The following NLGN4X variants were observed in gnomAD, a reference collection of about 807,000 sequenced individuals.
The protein encoded by NLGN4X is neuroligin-4, X-linked.
Under a neutral mutation model 40.3 loss-of-function variants are expected in NLGN4X, and 3 were observed. The observed-to-expected ratio is 0.07, with a 90% CI of 0.03 to 0.19. The LOEUF (loss-of-function observed/expected upper bound fraction) is 0.19, where lower values mean the gene tolerates loss of function less well. Among genes scored for constraint, NLGN4X ranks in the 10% least tolerant of loss-of-function variants. The probability of loss-of-function intolerance (pLI) is 1.00; values close to 1 mark genes in which losing one functional copy is unlikely to be tolerated. For synonymous variants in NLGN4X, 270 were observed against 306.8 expected (o/e 0.88, Z 1.25); for missense variants, 382 against 708.3 (o/e 0.54, Z 5.23).
At chrX:5,903,897 G>A in intron 4 of NLGN4X, 31 bp from the exon 5 acceptor site, 1 of 1,206,464 alleles carries the variant, frequency 8.3e-7, no homozygotes, top group Non-Finnish European at 1.1e-6. Flanking sequence ...ACATGCAAAT[G>A]AAAACCCACA....
At chrX:6,074,626 T>C (rs141616696) in intron 2 of NLGN4X, among the ~76,000 whole-genome samples, 122 of 111,793 alleles carry the variant, frequency 1.1e-3, no homozygotes, top group African/African-American at 3.7e-3. Context: ...GCCATTGTCG[T>C]AGCAATGGCA....
At chrX:6,204,901 G>C (rs1281097388) in intron 1 of NLGN4X, among the ~76,000 whole-genome samples, 2 of 111,643 alleles carry the variant, frequency 1.8e-5, no homozygotes, top group Non-Finnish European at 3.8e-5. Context: ...CAACAAAATG[G>C]ATGGGAATTA....
intron 2 of NLGN4X, among the ~76,000 whole-genome samples, chrX:6,048,076 A>G (rs2037374051): frequency 9.0e-6 from 1 of 111,314 alleles, no homozygotes; most frequent in South Asian, 3.8e-4. Flanking sequence ...ACCAGCTGCC[A>G]TTGCTCTCAA....
chrX:5,977,961 T>A (rs1228193865), intron 3 of NLGN4X, among the ~76,000 whole-genome samples: 1 of 112,056 alleles, frequency 8.9e-6, no homozygotes, highest in Non-Finnish European at 1.9e-5. Context: ...GAAAGAACCC[T>A]CTCTTTGAAG....
chrX:5,991,476 C>G (rs1269444142), intron 3 of NLGN4X: 3 of 518,745 alleles, frequency 5.8e-6, no homozygotes, highest in Non-Finnish European at 1.1e-5. Flanking sequence ...CCTGCAGGTG[C>G]AGCTGACAAC....
At chrX:6,090,109 C>T (rs1055673454) in intron 2 of NLGN4X, among the ~76,000 whole-genome samples, 1 of 111,311 alleles carries the variant, frequency 9.0e-6, no homozygotes, top group African/African-American at 3.3e-5. Context: ...ACACCTCCTG[C>T]AGAGATGAAG....
At chrX:6,160,511 T>G (rs953803923) in intron 1 of NLGN4X, among the ~76,000 whole-genome samples, 1 of 105,500 alleles carries the variant, frequency 9.5e-6, no homozygotes, top group Non-Finnish European at 1.9e-5. Flanking sequence ...ACTTATCATA[T>G]ATGAAATTAT....
intron 5 of NLGN4X, 23 bp from the exon 6 acceptor site, chrX:5,893,689 A>C (rs1329102806): frequency 8.3e-7 from 1 of 1,209,197 alleles, no homozygotes; most frequent in Admixed American, 2.2e-5. Flanking sequence ...GGAAGAAAAA[A>C]AGAAAGGTCA....
chrX:6,200,856 TTTA>T (rs796646161), intron 1 of NLGN4X, among the ~76,000 whole-genome samples: 1 of 107,770 alleles, frequency 9.3e-6, no homozygotes, highest in East Asian at 2.9e-4. Context: ...CTGCCTAATT[TTTA>T]TTATTATTAT....
At chrX:5,906,542 G>A (rs754935728) in intron 4 of NLGN4X, among the ~76,000 whole-genome samples, 1 of 111,095 alleles carries the variant, frequency 9.0e-6, no homozygotes, top group African/African-American at 3.3e-5. Context: ...GTTGAGACAG[G>A]GTCTCACTCT....
chrX:5,931,627 T>G (rs2033548711), intron 3 of NLGN4X, among the ~76,000 whole-genome samples: 2 of 111,625 alleles, frequency 1.8e-5, no homozygotes, highest in African/African-American at 3.3e-5. Flanking sequence ...ATACACAACG[T>G]GGGAAAAATA....
intron 2 of NLGN4X, among the ~76,000 whole-genome samples, chrX:6,065,710 AC>A (rs201028671): frequency 9.9e-5 from 11 of 111,593 alleles, no homozygotes; most frequent in African/African-American, 3.6e-4. Flanking sequence ...TTTTATGGAA[AC>A]AAAAACAGAA....
intron 3 of NLGN4X, among the ~76,000 whole-genome samples, chrX:5,933,694 G>T (rs1363091981): frequency 9.0e-6 from 1 of 111,449 alleles, no homozygotes; most frequent in Non-Finnish European, 1.9e-5. Context: ...AAAATGTACA[G>T]TTACGCTTAT....
At chrX:6,219,798 A>C (rs929282895) in intron 1 of NLGN4X, among the ~76,000 whole-genome samples, 1 of 111,882 alleles carries the variant, frequency 8.9e-6, no homozygotes, top group African/African-American at 3.2e-5. Flanking sequence ...AGAGTAATGA[A>C]AAGAAAGACT....
At chrX:6,173,551 C>T (rs985046450) in intron 1 of NLGN4X, among the ~76,000 whole-genome samples, 13 of 107,480 alleles carry the variant, frequency 1.2e-4, no homozygotes, top group Admixed American at 1.9e-4. Context: ...GGTCCTAAGA[C>T]CCCCCATTCC....
At chrX:6,013,631 G>A (rs981011652) in intron 3 of NLGN4X, among the ~76,000 whole-genome samples, 4 of 110,185 alleles carry the variant, frequency 3.6e-5, no homozygotes, top group Non-Finnish European at 5.7e-5. Context: ...GGCTGAGGCC[G>A]GTGGATCACT....
At chrX:5,924,077 C>T (rs192799727) in intron 3 of NLGN4X, among the ~76,000 whole-genome samples, 152 of 111,420 alleles carry the variant, frequency 1.4e-3, no homozygotes, top group African/African-American at 4.6e-3. Flanking sequence ...GGGGGGATAT[C>T]GGCAAGTGAT....
intron 1 of NLGN4X, among the ~76,000 whole-genome samples, chrX:6,166,246 C>A (rs1478165088): frequency 9.0e-6 from 1 of 111,235 alleles, no homozygotes; most frequent in Non-Finnish European, 1.9e-5. Flanking sequence ...TTAAATATAT[C>A]TTTTTATTTT....
intron 3 of NLGN4X, among the ~76,000 whole-genome samples, chrX:5,919,619 G>A (rs953273490): frequency 8.1e-5 from 9 of 111,201 alleles, no homozygotes; most frequent in Non-Finnish European, 1.1e-4. Context: ...TCCACCTCTC[G>A]TCAGTTCAGC....
Sources: gnomAD v4.1 joint callset for allele counts (sites outside exome capture counted in the v4.1 genomes callset) on GRCh38, gnomAD v4.1.1 for gene constraint, MANE v1.5 for transcripts, NCBI Gene and HGNC (gene_info 2026-07-23, HGNC 2026-07-21) for gene names.